Variants in LIMS2 observed in about 807,000 individuals in gnomAD.
The protein encoded by LIMS2 is LIM zinc finger domain containing 2, also known as LIM and senescent cell antigen-like-containing domain protein 2.
In LIMS2, 30 loss-of-function variants were observed where a neutral mutation model predicts 45.3. The observed-to-expected ratio is 0.66, with a 90% CI of 0.50 to 0.90. The LOEUF (loss-of-function observed/expected upper bound fraction) is 0.90. Ranked by LOEUF, LIMS2 falls within the 40% of genes least tolerant of loss-of-function variation. The pLI, the probability that LIMS2 is intolerant of heterozygous loss-of-function variation, is 0.00. For missense variants in LIMS2, 485 were observed against 468.7 expected, an observed-to-expected ratio of 1.03 and a Z score of -0.32; for synonymous variants, 173 against 188.0, an observed-to-expected ratio of 0.92 and a Z score of 0.65.
Position 127,647,507 on chromosome 2 carries a change from A to C in LIMS2, c.360-4435T>G, listed in dbSNP as rs1028952498. ...CATGCCAGGCAGAGTGGTCAGTCGT[A>C]CCTATGAGCTGCTCTCTCGTGGGGC... On this transcript the variant is annotated intron_variant, in intron 4 of 9. Coordinates refer to ENST00000355119, the MANE Select transcript of LIMS2 (RefSeq NM_001161403.3). This position sits in a 1 kb window ranked among gnomAD's most constrained non-coding sequence, Gnocchi z 4.3. 1.2e-4 allele frequency among the ~76,000 whole-genome samples: 19 copies of C among 152,112 alleles called. No individual in the cohort carries two copies. The highest frequency in any genetic ancestry group is 4.6e-4 in the African/African-American group (19 of 41,426).
At position 127,647,526 on chromosome 2, in the gene LIMS2, G is replaced by A. The variant is rs980915951; in HGVS notation, c.360-4454C>T. Among the ~76,000 whole-genome samples the A allele has an allele frequency of 3.9e-5, 6 of 152,124 alleles. No homozygotes were observed. The highest frequency in any genetic ancestry group is 7.2e-5 in the African/African-American group (3 of 41,410). ...AGTCGTACCTATGAGCTGCTCTCTC[G>A]TGGGGCCAGGTGATGCCTGCACTGT... On this transcript the variant is annotated intron_variant, in intron 4 of 9. Transcript: ENST00000355119. This position sits in a 1 kb window ranked among gnomAD's most constrained non-coding sequence, Gnocchi z 4.3.
chr2:127,661,565 G>A (rs1400902369), intron 1 of LIMS2, among the ~76,000 whole-genome samples: 2 of 152,156 alleles, frequency 1.3e-5, no homozygotes, highest in East Asian at 3.8e-4. Flanking sequence ...TCCCCCAGGA[G>A]ACACCACTAC....
At chr2:127,666,136 T>G (rs986674404) in intron 1 of LIMS2, among the ~76,000 whole-genome samples, 7 of 152,040 alleles carry the variant, frequency 4.6e-5, no homozygotes, top group African/African-American at 1.7e-4. Flanking sequence ...CTATACAAAG[T>G]ATTATACACC....
Position 127,668,701 on chromosome 2 carries a change from AAAAAAAAAAACAC to A in LIMS2, c.11+6300_11+6312del, listed in dbSNP as rs1558901489. Among the ~76,000 whole-genome samples the A allele has an allele frequency of 8.1e-5, 10 of 123,010 alleles. 2 individuals are homozygous for A. Among genetic ancestry groups the A allele is most frequent in the African/African-American group, 3.8e-4 (10 of 26,278 alleles). 80.7% of individuals were successfully genotyped at this position (123,010 alleles called of 152,430 possible). On this transcript the variant is annotated intron_variant, in intron 1 of 9. Coordinates refer to ENST00000355119, the MANE Select transcript of LIMS2 (RefSeq NM_001161403.3). ...AAAAAAAAAAAAAAAAAAAAAAAAAAAAAAAAAAAACACCTTACTTAAAAATTACAATTTACTT... is the reference window on the plus strand; with the variant it reads ...AAAAAAAAAAAAAAAAAAAAAAAAAACTTACTTAAAAATTACAATTTACTT...
chr2:127,658,323 T>C (rs1278778503), intron 1 of LIMS2, among the ~76,000 whole-genome samples: 1 of 152,212 alleles, frequency 6.6e-6, no homozygotes, highest in Non-Finnish European at 1.5e-5. Flanking sequence ...GGCTTGAGCC[T>C]GGGAGGCCGA....
chr2:127,651,850 G>T (rs781123462), intron 4 of LIMS2: 6 of 1,187,724 alleles, frequency 5.1e-6, no homozygotes, highest in Non-Finnish European at 7.2e-6. Flanking sequence ...TCCCCAGCAA[G>T]CAACCTGAAA....
chr2:127,653,984 G>A lies in LIMS2; in HGVS notation c.359+440C>T, dbSNP rs1055515847. ...TGGGAGACAAGGCCACCTGCTATAG[G>A]GACAGTGCTTGGGAAGGGAGGATGA... On this transcript the variant is annotated intron_variant, in intron 4 of 9. Transcript: ENST00000355119. The surrounding 1 kb of genome is among the most constrained non-coding windows in gnomAD (Gnocchi z 5.3). 2.0e-5 allele frequency among the ~76,000 whole-genome samples: 3 copies of A among 152,184 alleles called. No individual in the cohort carries two copies. Among genetic ancestry groups the A allele is most frequent in the South Asian group, 4.2e-4 (2 of 4,816 alleles).
intron 1 of LIMS2, among the ~76,000 whole-genome samples, chr2:127,670,585 A>T (rs1469135454): frequency 1.5e-4 from 23 of 152,222 alleles, no homozygotes; most frequent in Admixed American, 1.4e-3. Flanking sequence ...TGCACGAAAA[A>T]CCACTGAATT....
chr2:127,654,610 G>A (rs1684122619), intron 3 of LIMS2, 66 bp from the exon 4 acceptor site: 3 of 1,607,214 alleles, frequency 1.9e-6, no homozygotes, highest in Non-Finnish European at 2.6e-6. Flanking sequence ...ACCCTCCCAA[G>A]CCCTGTCCAC....
Position 127,664,610 on chromosome 2 carries a change from G to A in LIMS2, c.12-7048C>T, listed in dbSNP as rs759685074. 50 of 1,116,442 alleles carry A rather than the reference G, an allele frequency of 4.5e-5. No homozygotes were observed. The highest frequency in any genetic ancestry group is 5.5e-5 in the Non-Finnish European group (50 of 915,146). 69.2% of individuals were successfully genotyped at this position (1,116,442 alleles called of 1,614,324 possible). A position where few individuals can be genotyped will look rare whatever the true frequency, so the allele number is the denominator to read the frequency against. ...AGAAAGGATATTGTTCGCGCCGCGGGGGCAGCTCCTGAAAGCTGAGGCTGG... is the reference window on the plus strand; with the variant it reads ...AGAAAGGATATTGTTCGCGCCGCGGAGGCAGCTCCTGAAAGCTGAGGCTGG... On this transcript the variant is annotated intron_variant, in intron 1 of 9. Transcript: ENST00000355119. This position sits in a 1 kb window ranked among gnomAD's most constrained non-coding sequence, Gnocchi z 5.5.
At chr2:127,663,363 A>G (rs73954690) in intron 1 of LIMS2, among the ~76,000 whole-genome samples, 16,529 of 152,248 alleles carry the variant, frequency 0.11, 1,500 homozygotes, top group African/African-American at 0.25. Flanking sequence ...GGAGCCCAGC[A>G]TGCAGCAGGG....
chr2:127,675,798 A>G (rs1685484382), upstream of LIMS2, among the ~76,000 whole-genome samples: 1 of 152,152 alleles, frequency 6.6e-6, no homozygotes, highest in Non-Finnish European at 1.5e-5. Flanking sequence ...CGCCGAGTCC[A>G]CGCAGTCCCG....
At chr2:127,643,876 G>A (rs1404877615) in intron 4 of LIMS2, among the ~76,000 whole-genome samples, 2 of 152,044 alleles carry the variant, frequency 1.3e-5, no homozygotes, top group African/African-American at 4.8e-5. Flanking sequence ...AGGCCCCCCA[G>A]CCCCAGGGGC....
intron 1 of LIMS2, among the ~76,000 whole-genome samples, chr2:127,658,418 G>A (rs1313076933): frequency 6.6e-6 from 1 of 152,168 alleles, no homozygotes; most frequent in East Asian, 1.9e-4. Context: ...ACAAGAGTAT[G>A]AATCTTTGAG....
chr2:127,658,628 A>G (rs990359824), intron 1 of LIMS2, among the ~76,000 whole-genome samples: 1 of 152,158 alleles, frequency 6.6e-6, no homozygotes, highest in East Asian at 1.9e-4. Flanking sequence ...ACTCAAAAAC[A>G]GGGTCAGGAT....
Position 127,675,014 on chromosome 2 carries a change from C to G in LIMS2, c.11G>C (p.Ser4Thr). 8.1e-7 allele frequency: 1 copy of G among 1,230,224 alleles called. No individual in the cohort carries two copies. The highest frequency in any genetic ancestry group is 1.0e-6 in the Non-Finnish European group (1 of 985,746). The allele number at this position is 1,230,224 out of a possible 1,614,324, so 76.2% of individuals were successfully genotyped here. Residue 4 changes from serine (S) to threonine (T), a missense_variant and splice_region_variant, in exon 1 of 10, where the codon AGC (serine) becomes ACC (threonine). Coordinates refer to ENST00000355119, the MANE Select transcript of LIMS2 (RefSeq NM_001161403.3). MTG[S>T]NMSDALANAV... is the part of the protein sequence containing the mutation. ...CGGGGGCGTGGGTGGGGGCCGTTAC[C>G]TTCCCGTCATGGTGGCAGCGACGCC...
chr2:127,680,844 C>T lies in LIMS2; in HGVS notation c.-5+476G>A, dbSNP rs1442869734. Among the ~76,000 whole-genome samples the T allele has an allele frequency of 2.0e-5, 3 of 152,328 alleles. No homozygotes were observed. In the East Asian group the frequency reaches 5.8e-4, roughly 29 times the overall value. ...ATGGGTTTGGCTACCCGAGGGCAGC[C>T]CCCACCACATATCCAGGAATGCCAC... On this transcript the variant is annotated intron_variant, in intron 1 of 9. Transcript: ENST00000410011.
rs1375858203 is a variant in LIMS2 at position 127,664,498 on chromosome 2, A to AC, written c.12-6937dup. The AC allele has an allele frequency of 8.6e-7, 1 of 1,160,426 alleles. No homozygotes were observed. Among genetic ancestry groups the AC allele is most frequent in the African/African-American group, 1.6e-5 (1 of 61,678 alleles). The allele number at this position is 1,160,426 out of a possible 1,614,324, so 71.9% of individuals were successfully genotyped here. Reference sequence around the variant, plus strand: ...GCCTGGGGCCAGACACCAAGACGGGACGGGCGTGTGGGCGCCTCCCCCGCG... The same window carrying AC: ...GCCTGGGGCCAGACACCAAGACGGGACCGGGCGTGTGGGCGCCTCCCCCGCG... On this transcript the variant is annotated intron_variant, in intron 1 of 9. Coordinates refer to ENST00000355119, the MANE Select transcript of LIMS2 (RefSeq NM_001161403.3). The surrounding 1 kb of genome is among the most constrained non-coding windows in gnomAD (Gnocchi z 5.5).
intron 4 of LIMS2, chr2:127,651,408 G>A (rs1323763093): frequency 1.2e-6 from 2 of 1,612,730 alleles, no homozygotes; most frequent in Non-Finnish European, 1.7e-6. Flanking sequence ...GGGCCTGCGT[G>A]TGGAGAAGCG....
Sources: gnomAD v4.1 joint callset for allele counts (sites outside exome capture counted in the v4.1 genomes callset) on GRCh38, gnomAD v4.1.1 for gene constraint, Gnocchi (gnomAD v3.1) non-coding constraint, MANE v1.5 for transcripts, NCBI Gene and HGNC (gene_info 2026-07-23, HGNC 2026-07-21) for gene names.